Variants in NAALADL2 observed in about 807,000 individuals in gnomAD.
The protein encoded by NAALADL2 is N-acetylated alpha-linked acidic dipeptidase like 2.
A neutral mutation model predicts 87.2 loss-of-function variants in NAALADL2; 76 were observed. That is an observed-to-expected ratio of 0.87 (90% confidence interval 0.72 to 1.05). The LOEUF is 1.05. Among genes scored for constraint, NAALADL2 ranks in the 50% least tolerant of loss-of-function variants. The pLI, the probability that NAALADL2 is intolerant of heterozygous loss-of-function variation, is 0.00. For missense variants in NAALADL2, 1,089 were observed against 945.8 expected, an observed-to-expected ratio of 1.15 and a Z score of -1.99; for synonymous variants, 354 against 331.0, an observed-to-expected ratio of 1.07 and a Z score of -0.75.
At chr3:175,024,079 C>G (rs1751911139) in intron 1 of NAALADL2, among the ~76,000 whole-genome samples, 1 of 151,320 alleles carries the variant, frequency 6.6e-6, no homozygotes, top group Non-Finnish European at 1.5e-5. Context: ...TTAGTTTTTT[C>G]TCCTAAAAAA....
chr3:175,059,765 C>A, intron 1 of NAALADL2: 1 of 299,686 alleles, frequency 3.3e-6, no homozygotes, highest in East Asian at 9.8e-5. Context: ...AGCTCTGCTT[C>A]CTGTAGTGTC....
At chr3:175,237,062 T>C (rs1746030581) in intron 3 of NAALADL2, among the ~76,000 whole-genome samples, 1 of 152,166 alleles carries the variant, frequency 6.6e-6, no homozygotes, top group South Asian at 2.1e-4. Flanking sequence ...TCATTTTTAA[T>C]GTAAAATAAT....
chr3:175,027,926 A>G (rs529548931), intron 1 of NAALADL2, among the ~76,000 whole-genome samples: 6 of 151,916 alleles, frequency 3.9e-5, no homozygotes, highest in Non-Finnish European at 5.9e-5. Context: ...TTTATCTTGT[A>G]TCTCGGTGGA....
intron 2 of NAALADL2, among the ~76,000 whole-genome samples, chr3:175,227,203 G>C (rs562604277): frequency 6.6e-6 from 1 of 152,060 alleles, no homozygotes; most frequent in South Asian, 2.1e-4. Context: ...CTGGTGTTAG[G>C]AATACTACAT....
intron 2 of NAALADL2, among the ~76,000 whole-genome samples, chr3:174,648,080 A>G (rs1190288124): frequency 1.3e-5 from 2 of 152,350 alleles, no homozygotes; most frequent in East Asian, 3.9e-4. Flanking sequence ...GTCAAAAAGA[A>G]AAAGGGGAAG....
chr3:174,622,515 T>C (rs1721106884), intron 2 of NAALADL2, among the ~76,000 whole-genome samples: 1 of 152,172 alleles, frequency 6.6e-6, no homozygotes, highest in African/African-American at 2.4e-5. Context: ...AAAATCCACA[T>C]ATAACTTTTG....
rs576160766 is a variant in NAALADL2 at position 175,198,302 on chromosome 3, G to A, written c.546-35629G>A. 1.0e-3 allele frequency among the ~76,000 whole-genome samples: 159 copies of A among 152,096 alleles called. 1 individual carries two copies. The South Asian group carries it at 0.018, about 17-fold the overall frequency. On this transcript the variant is annotated intron_variant, in intron 2 of 13. Transcript: ENST00000454872. ...TTTTAATTTTACATTAATGGAAAAA[G>A]TGAAGGAGATTATTTTTAATGTTTA...
intron 2 of NAALADL2, among the ~76,000 whole-genome samples, chr3:175,161,724 C>T (rs973479178): frequency 1.4e-5 from 2 of 146,390 alleles, no homozygotes; most frequent in African/African-American, 5.0e-5. Flanking sequence ...ACTTCTATAG[C>T]AAGTAAAGTG....
intron 3 of NAALADL2, among the ~76,000 whole-genome samples, chr3:174,824,048 G>C (rs1721716605): frequency 6.6e-6 from 1 of 152,054 alleles, no homozygotes; most frequent in Admixed American, 6.6e-5. Flanking sequence ...TGGGAATTAA[G>C]GTTAAAAAGC....
chr3:174,493,208 T>G (rs1005592618), intron 1 of NAALADL2, among the ~76,000 whole-genome samples: 2 of 152,188 alleles, frequency 1.3e-5, no homozygotes, highest in Non-Finnish European at 2.9e-5. Flanking sequence ...CTTCAGAATG[T>G]AACCCGATTT....
At chr3:175,730,428 A>G (rs1336572817) in intron 11 of NAALADL2, among the ~76,000 whole-genome samples, 2 of 94,832 alleles carry the variant, frequency 2.1e-5, no homozygotes, top group Admixed American at 1.0e-4. Flanking sequence ...ATATATATAT[A>G]TATATATATA....
intron 13 of NAALADL2, among the ~76,000 whole-genome samples, chr3:175,795,549 G>T (rs1252424398): frequency 6.6e-6 from 1 of 151,740 alleles, no homozygotes; most frequent in African/African-American, 2.4e-5. Context: ...TGGGCGTGGT[G>T]GCGGGTGCCT....
At chr3:175,016,873 G>T (rs1750889424) in intron 1 of NAALADL2, among the ~76,000 whole-genome samples, 3 of 151,816 alleles carry the variant, frequency 2.0e-5, no homozygotes, top group Admixed American at 1.3e-4. Context: ...ATCAATTCAG[G>T]GTGATCGGGT....
chr3:175,232,584 CT>C (rs1745148426), intron 2 of NAALADL2, among the ~76,000 whole-genome samples: 1 of 152,084 alleles, frequency 6.6e-6, no homozygotes, highest in African/African-American at 2.4e-5. Context: ...TTAAAAAAAT[CT>C]TTTACAAAGT....
chr3:174,947,117 A>T (rs1739550015), intron 1 of NAALADL2, among the ~76,000 whole-genome samples: 1 of 152,148 alleles, frequency 6.6e-6, no homozygotes, highest in South Asian at 2.1e-4. Flanking sequence ...ACTTATCTAT[A>T]GTGCATTTAT....
intron 6 of NAALADL2, among the ~76,000 whole-genome samples, chr3:175,455,825 T>C (rs1172874099): frequency 2.6e-5 from 4 of 152,018 alleles, no homozygotes; most frequent in Admixed American, 2.6e-4. Flanking sequence ...CTAGTCACAG[T>C]GAGGATCAGG....
intron 3 of NAALADL2, among the ~76,000 whole-genome samples, chr3:174,758,253 T>C (rs768547608): frequency 2.0e-5 from 3 of 152,240 alleles, no homozygotes; most frequent in Non-Finnish European, 4.4e-5. Context: ...AATTATGTTA[T>C]GTATTTTACT....
At chr3:174,981,449 C>A (rs9874398) in intron 1 of NAALADL2, among the ~76,000 whole-genome samples, 1 of 151,942 alleles carries the variant, frequency 6.6e-6, no homozygotes, top group South Asian at 2.1e-4. Flanking sequence ...GATTTTGTGT[C>A]ATGTTTTCTG....
At chr3:174,865,843 G>A (rs1012580507) in intron 1 of NAALADL2, among the ~76,000 whole-genome samples, 6 of 151,894 alleles carry the variant, frequency 4.0e-5, no homozygotes, top group African/African-American at 9.7e-5. Context: ...AGAAAGCATG[G>A]AAATTGTTTC....
Sources: gnomAD v4.1 joint callset for allele counts (sites outside exome capture counted in the v4.1 genomes callset) on GRCh38, gnomAD v4.1.1 for gene constraint, MANE v1.5 for transcripts, NCBI Gene and HGNC (gene_info 2026-07-23, HGNC 2026-07-21) for gene names.